Variants in RSU1 observed in about 807,000 individuals in gnomAD.
RSU1 encodes the protein rsu-1.
A neutral mutation model predicts 31.1 loss-of-function variants in RSU1; 26 were observed. That is an observed-to-expected ratio of 0.84 (90% confidence interval 0.61 to 1.16). The LOEUF (loss-of-function observed/expected upper bound fraction) is 1.16. RSU1 is among the 50% of genes most tolerant of loss of function. RSU1 has a pLI of 0.00. For synonymous variants in RSU1, 164 were observed against 136.3 expected (o/e 1.20, Z -1.41); for missense variants, 320 against 339.1 (o/e 0.94, Z 0.44).
At position 16,648,589 on chromosome 10, in the gene RSU1, G is replaced by C. The variant is rs922710289; in HGVS notation, c.731+46434C>G. 9.2e-5 allele frequency among the ~76,000 whole-genome samples: 14 copies of C among 152,080 alleles called. 1 individual carries two copies. Among genetic ancestry groups the C allele is most frequent in the Admixed American group, 3.9e-4 (6 of 15,260 alleles). On this transcript the variant is annotated intron_variant, in intron 8 of 8. Coordinates refer to ENST00000345264, the MANE Select transcript of RSU1 (RefSeq NM_012425.4). Reference sequence around the variant, plus strand: ...GGGGACAACAGTGAAGAAGGGAGATGAACAGATGGCTAAAGTAAACAATGG... The same window carrying C: ...GGGGACAACAGTGAAGAAGGGAGATCAACAGATGGCTAAAGTAAACAATGG...
intron 2 of RSU1, among the ~76,000 whole-genome samples, chr10:16,788,599 C>A (rs1265839044): frequency 6.6e-6 from 1 of 152,164 alleles, no homozygotes; most frequent in Admixed American, 6.5e-5. Flanking sequence ...GAATAAAAAA[C>A]TTCTGTTGTT....
intron 7 of RSU1, among the ~76,000 whole-genome samples, chr10:16,725,163 T>A (rs1166430238): frequency 6.6e-6 from 1 of 152,170 alleles, no homozygotes; most frequent in African/African-American, 2.4e-5. Context: ...TTTGTGTACA[T>A]GTACGATGCT....
intron 2 of RSU1, among the ~76,000 whole-genome samples, chr10:16,783,819 A>G (rs936073426): frequency 6.6e-6 from 1 of 152,158 alleles, no homozygotes; most frequent in Non-Finnish European, 1.5e-5. Context: ...ACAAGCAAAA[A>G]TGGACATAAC....
rs1427890290 is a variant in RSU1, at chr10:16,685,244, C to T, written c.731+9779G>A. On this transcript the variant is annotated intron_variant, in intron 8 of 8. Transcript: ENST00000345264. ...CAGCCTGGGCAACAGAGCGGGACTC[C>T]GTCTCAAAACCAAACAACACCAAAT... is the stretch of plus-strand genomic sequence containing the variant. Among the ~76,000 whole-genome samples the T allele has an allele frequency of 3.3e-5, 5 of 152,028 alleles. No homozygotes were observed. The South Asian group carries it at 6.2e-4, about 19-fold the overall frequency.
Position 16,593,190 on chromosome 10 carries a change from T to C in RSU1, c.*204A>G, listed in dbSNP as rs961309553. 4 of 917,936 alleles carry C rather than the reference T, an allele frequency of 4.4e-6. No homozygotes were observed. The highest frequency in any genetic ancestry group is 1.7e-5 in the African/African-American group (1 of 59,896). 56.9% of individuals were successfully genotyped at this position (917,936 alleles called of 1,614,324 possible). On this transcript the variant is annotated 3_prime_UTR_variant, in exon 9 of 9. Coordinates refer to ENST00000345264, the MANE Select transcript of RSU1 (RefSeq NM_012425.4). ...CTTTTGGTAATGTTAAAGAAACAAA[T>C]GGAAATGGTTTAAAGACCTTATAAC...
chr10:16,730,093 T>C (rs1836478057), intron 7 of RSU1, among the ~76,000 whole-genome samples: 2 of 152,086 alleles, frequency 1.3e-5, no homozygotes, highest in Non-Finnish European at 2.9e-5. Flanking sequence ...AGCTGTTGTG[T>C]ATAGATGACA....
intron 8 of RSU1, among the ~76,000 whole-genome samples, chr10:16,678,101 T>G (rs979947806): frequency 6.6e-6 from 1 of 152,218 alleles, no homozygotes; most frequent in Non-Finnish European, 1.5e-5. Flanking sequence ...CAAACCCTCA[T>G]GCCCTTTCAA....
chr10:16,739,827 T>A (rs1012114494), intron 7 of RSU1, among the ~76,000 whole-genome samples: 1 of 152,048 alleles, frequency 6.6e-6, no homozygotes, highest in Non-Finnish European at 1.5e-5. Flanking sequence ...GTCAGGCTAG[T>A]CTTGAACTCC....
chr10:16,606,185 C>T (rs1833801448), intron 8 of RSU1, among the ~76,000 whole-genome samples: 2 of 152,172 alleles, frequency 1.3e-5, no homozygotes, highest in African/African-American at 2.4e-5. Flanking sequence ...GGTGATTCTA[C>T]TAAATTCCTT....
At chr10:16,727,860 C>A (rs1836429532) in intron 7 of RSU1, among the ~76,000 whole-genome samples, 1 of 152,186 alleles carries the variant, frequency 6.6e-6, no homozygotes, top group Non-Finnish European at 1.5e-5. Context: ...CATACCGCTG[C>A]CAGGCTGTGG....
chr10:16,635,465 G>T (rs189554099), intron 8 of RSU1, among the ~76,000 whole-genome samples: 43 of 152,168 alleles, frequency 2.8e-4, no homozygotes, highest in Admixed American at 1.6e-3. Flanking sequence ...CTTCTGTCTG[G>T]TCCCCACACC....
intron 8 of RSU1, among the ~76,000 whole-genome samples, chr10:16,625,543 A>G (rs1306839595): frequency 1.3e-5 from 2 of 152,200 alleles, no homozygotes; most frequent in East Asian, 1.9e-4. Context: ...AGAAGCATCA[A>G]CCATGACTTG....
In RSU1 at chr10:16,743,205, A is replaced by G. The variant is rs1836785386; in HGVS notation, c.598+9334T>C. Among the ~76,000 whole-genome samples the G allele has an allele frequency of 3.3e-5, 5 of 152,234 alleles. No individual in the cohort carries two copies. The South Asian group carries it at 1.0e-3, about 32-fold the overall frequency. On this transcript the variant is annotated intron_variant, in intron 7 of 8. Transcript: ENST00000345264. ...AAGGCATATATTTGGAACCACAGCA[A>G]TCTGTCACCTAATAATAAATTAGGC...
intron 7 of RSU1, among the ~76,000 whole-genome samples, chr10:16,723,703 G>T: frequency 6.6e-6 from 1 of 152,174 alleles, no homozygotes; most frequent in East Asian, 1.9e-4. Flanking sequence ...GCAGGTGTCA[G>T]GGCTAACACA....
At chr10:16,711,462 C>T (rs1259182022) in intron 7 of RSU1, among the ~76,000 whole-genome samples, 1 of 151,958 alleles carries the variant, frequency 6.6e-6, no homozygotes, top group East Asian at 1.9e-4. Flanking sequence ...TTTCTAGTTC[C>T]TTGTGGTACG....
rs994776649 is a variant in RSU1 at position 16,643,506 on chromosome 10, C to T, written c.732-50010G>A. 5.3e-5 allele frequency among the ~76,000 whole-genome samples: 8 copies of T among 152,096 alleles called. No homozygotes were observed. The South Asian group carries it at 8.3e-4, about 16-fold the overall frequency. ...TAGGTTAGAAACAAGTATATTGGAA[C>T]TCTTATTGCCTTACTTCTCCTCCTT... is the stretch of plus-strand genomic sequence containing the variant. On this transcript the variant is annotated intron_variant, in intron 8 of 8. Transcript: ENST00000345264.
intron 3 of RSU1, among the ~76,000 whole-genome samples, chr10:16,776,953 C>A (rs1433626203): frequency 4.0e-5 from 6 of 151,510 alleles, no homozygotes; most frequent in African/African-American, 1.5e-4. Flanking sequence ...GGGTCTTGCC[C>A]TGTCACCCAG....
rs566955001 is a variant in RSU1, at chr10:16,731,322, T to G, written c.598+21217A>C. Among the ~76,000 whole-genome samples, 9 of 150,988 alleles carry G rather than the reference T, an allele frequency of 6.0e-5. No homozygotes were observed. The South Asian group carries it at 1.9e-3, about 32-fold the overall frequency. On this transcript the variant is annotated intron_variant, in intron 7 of 8. Transcript: ENST00000345264. ...GTGGGCGCCTGTAGTCCCAGCTACT[T>G]GGGAGACTGAGGCAGGAGAATGGCG...
Position 16,790,239 on chromosome 10 carries a change from C to T in RSU1, c.110-8155G>A, listed in dbSNP as rs192902331. Among the ~76,000 whole-genome samples, 684 of 152,254 alleles carry T rather than the reference C, an allele frequency of 4.5e-3. 3 individuals are homozygous for T. The highest frequency in any genetic ancestry group is 6.6e-3 in the Non-Finnish European group (450 of 68,012). On this transcript the variant is annotated intron_variant, in intron 2 of 8. Coordinates refer to ENST00000345264, the MANE Select transcript of RSU1 (RefSeq NM_012425.4). ...TATTTACTGATCACACTCAGAGCGC[C>T]GGCCGTCTCTACCTTGGAGATTCTC... is the stretch of plus-strand genomic sequence containing the variant.
Sources: gnomAD v4.1 joint callset for allele counts (sites outside exome capture counted in the v4.1 genomes callset) on GRCh38, gnomAD v4.1.1 for gene constraint, MANE v1.5 for transcripts, NCBI Gene and HGNC (gene_info 2026-07-23, HGNC 2026-07-21) for gene names.